Variants in SYN3 observed in about 807,000 individuals in gnomAD.
The protein encoded by SYN3 is synapsin III.
In SYN3, 35 loss-of-function variants were observed where a neutral mutation model predicts 65.8. That is an observed-to-expected ratio of 0.53 (90% CI 0.41 to 0.70). The LOEUF is 0.70. Ranked by LOEUF, SYN3 falls within the 30% of genes least tolerant of loss-of-function variation. The probability of loss-of-function intolerance (pLI) is 0.00; values close to 1 mark genes in which losing one functional copy is unlikely to be tolerated. For synonymous variants in SYN3, 270 were observed against 292.9 expected (o/e 0.92, Z 0.80); for missense variants, 680 against 749.0 (o/e 0.91, Z 1.08).
Position 32,869,081 on chromosome 22 carries a change from T to C in SYN3, c.506A>G (p.Tyr169Cys), listed in dbSNP as rs1461298804. 1.9e-6 allele frequency: 3 copies of C among 1,613,918 alleles called. No homozygotes were observed. The highest frequency in any genetic ancestry group is 1.3e-5 in the African/African-American group (1 of 74,934). ...PDFILVRQHA[Y>C]SMALGEDYRS... is the part of the protein sequence containing the mutation. ...GTAGTCTTCCCCCAGGGCCATGCTG[T>C]AGGCATGCTGGCGGACCAGGATGAA... The change falls in exon 5 of 14, where the codon TAC becomes TGC. Residue 169 changes from tyrosine (Y) to cysteine (C), a missense_variant. Coordinates refer to ENST00000358763, the MANE Select transcript of SYN3 (RefSeq NM_003490.4).
intron 6 of SYN3, among the ~76,000 whole-genome samples, chr22:32,645,892 G>A (rs1276995075): frequency 1.5e-5 from 2 of 136,966 alleles, no homozygotes; most frequent in Non-Finnish European, 3.2e-5. Flanking sequence ...CACAAAAGGG[G>A]ATATTTTGGG....
chr22:32,922,188 T>C (rs534822561), intron 4 of SYN3, among the ~76,000 whole-genome samples: 211 of 152,322 alleles, frequency 1.4e-3, no homozygotes, highest in Non-Finnish European at 1.8e-3. Context: ...ATGGCATTCA[T>C]AGTAGGAGAC....
At chr22:32,706,367 T>C (rs1407653990) in intron 6 of SYN3, among the ~76,000 whole-genome samples, 33 of 152,224 alleles carry the variant, frequency 2.2e-4, no homozygotes, top group Admixed American at 2.2e-3. Flanking sequence ...GACAGCAGAC[T>C]TCTCATCAGA....
intron 6 of SYN3, among the ~76,000 whole-genome samples, chr22:32,679,381 G>A (rs1375775471): frequency 6.6e-6 from 1 of 152,114 alleles, no homozygotes; most frequent in Non-Finnish European, 1.5e-5. Flanking sequence ...TTCATCTGTC[G>A]ATGGACTTTT....
At chr22:32,644,313 G>A (rs544034559) in intron 6 of SYN3, among the ~76,000 whole-genome samples, 4 of 152,200 alleles carry the variant, frequency 2.6e-5, no homozygotes, top group South Asian at 2.1e-4. Context: ...ATAGTCAACC[G>A]TACATTCAGG....
intron 6 of SYN3, among the ~76,000 whole-genome samples, chr22:32,618,572 C>T (rs952113942): frequency 3.3e-5 from 5 of 149,924 alleles, no homozygotes; most frequent in Non-Finnish European, 7.4e-5. Flanking sequence ...ATTTTCCCCC[C>T]TTTCATTCTG....
intron 3 of SYN3, among the ~76,000 whole-genome samples, chr22:32,958,116 T>C (rs535234983): frequency 1.3e-5 from 2 of 152,216 alleles, no homozygotes. Context: ...GACATTCACA[T>C]GTCCAGTGTC....
intron 2 of SYN3, among the ~76,000 whole-genome samples, chr22:32,996,502 G>C (rs9619323): frequency 0.037 from 5,589 of 152,158 alleles, 362 homozygotes; most frequent in African/African-American, 0.13. Flanking sequence ...TCTTGGCCAA[G>C]ACCACAGAGA....
At chr22:32,686,482 C>T (rs1021520526) in intron 6 of SYN3, among the ~76,000 whole-genome samples, 6 of 151,710 alleles carry the variant, frequency 4.0e-5, no homozygotes, top group Non-Finnish European at 8.8e-5. Flanking sequence ...CCACTCCATG[C>T]CTCCTGAATC....
At chr22:32,519,132 T>G (rs1410255655) in intron 12 of SYN3, among the ~76,000 whole-genome samples, 1 of 152,106 alleles carries the variant, frequency 6.6e-6, no homozygotes, top group Non-Finnish European at 1.5e-5. Context: ...AAAAAACATC[T>G]GTTGTTTAAG....
intron 10 of SYN3, among the ~76,000 whole-genome samples, chr22:32,532,850 C>T (rs1384168858): frequency 4.6e-5 from 7 of 151,520 alleles, no homozygotes; most frequent in Admixed American, 2.0e-4. Context: ...GTGTCAGCAC[C>T]GCCCATGGAA....
At chr22:33,036,189 C>T (rs530552941) in intron 1 of SYN3, among the ~76,000 whole-genome samples, 2 of 152,164 alleles carry the variant, frequency 1.3e-5, no homozygotes, top group African/African-American at 2.4e-5. Context: ...AAAACCTCCT[C>T]GGAAAAGCAG....
intron 6 of SYN3, among the ~76,000 whole-genome samples, chr22:32,858,946 A>G (rs1400215833): frequency 6.6e-6 from 1 of 152,212 alleles, no homozygotes; most frequent in Non-Finnish European, 1.5e-5. Flanking sequence ...TTAACCTCTC[A>G]GAGCCTCCTA....
At chr22:32,832,286 G>A (rs979876785) in intron 6 of SYN3, among the ~76,000 whole-genome samples, 2 of 151,240 alleles carry the variant, frequency 1.3e-5, no homozygotes, top group African/African-American at 4.8e-5. Flanking sequence ...CGAAGAGAAA[G>A]TGGAACCCAG....
chr22:32,671,074 A>G (rs867791592), intron 6 of SYN3, among the ~76,000 whole-genome samples: 1 of 152,332 alleles, frequency 6.6e-6, no homozygotes, highest in Non-Finnish European at 1.5e-5. Flanking sequence ...AGTGGGTTTC[A>G]GTTTACATAT....
intron 1 of SYN3, among the ~76,000 whole-genome samples, chr22:33,028,996 C>T (rs186647850): frequency 0.011 from 1,591 of 151,486 alleles, 24 homozygotes; most frequent in African/African-American, 0.036. Flanking sequence ...GCCAAGATCC[C>T]GCCACAGCAC....
chr22:32,614,814 G>A (rs1175589699), intron 6 of SYN3, among the ~76,000 whole-genome samples: 1 of 152,124 alleles, frequency 6.6e-6, no homozygotes, highest in Non-Finnish European at 1.5e-5. Context: ...AAACTCAAGA[G>A]CGGGGCCCCC....
intron 3 of SYN3, among the ~76,000 whole-genome samples, chr22:32,961,142 A>C (rs241762): frequency 0.98 from 150,028 of 152,318 alleles, 73,888 homozygotes; most frequent in East Asian, 1. Flanking sequence ...TTAGCAACAT[A>C]CCTGGCCTCT....
chr22:32,643,065 ATTTG>A (rs938811111), intron 6 of SYN3, among the ~76,000 whole-genome samples: 4 of 151,856 alleles, frequency 2.6e-5, no homozygotes, highest in African/African-American at 7.3e-5. Context: ...TGAGGAAGTT[ATTTG>A]TTTGTTTGTT....
Sources: allele counts gnomAD v4.1 joint callset (sites outside exome capture counted in the v4.1 genomes callset), GRCh38; gene constraint gnomAD v4.1.1; transcripts MANE v1.5; gene names NCBI Gene and HGNC (gene_info 2026-07-23, HGNC 2026-07-21).